FLI1: variants seen among roughly 807,000 people sequenced by gnomAD.
The protein encoded by FLI1 is Friend leukemia integration 1 transcription factor.
Under a neutral mutation model 53.1 loss-of-function variants are expected in FLI1, and 13 were observed. That is an observed-to-expected ratio of 0.24 (90% CI 0.16 to 0.39). The LOEUF (loss-of-function observed/expected upper bound fraction) is 0.39, where lower values mean the gene tolerates loss of function less well. Among genes scored for constraint, FLI1 ranks in the 10% least tolerant of loss-of-function variants. The pLI, the probability that FLI1 is intolerant of heterozygous loss-of-function variation, is 1.00. For missense variants in FLI1, 424 were observed against 600.5 expected (o/e 0.71, Z 3.07); for synonymous variants, 244 against 236.7 (o/e 1.03, Z -0.28).
At chr11:128,713,088 T>A (rs1403512977) in intron 1 of FLI1, among the ~76,000 whole-genome samples, 2 of 152,070 alleles carry the variant, frequency 1.3e-5, no homozygotes, top group East Asian at 1.9e-4. Context: ...TGGCATAAAT[T>A]TGTGAGGTGA....
intron 3 of FLI1, among the ~76,000 whole-genome samples, chr11:128,769,952 T>G (rs1941492087): frequency 6.6e-6 from 1 of 152,210 alleles, no homozygotes; most frequent in Non-Finnish European, 1.5e-5. Context: ...TCACTGGGTC[T>G]TCACTCAAAT....
chr11:128,709,179 G>T (rs1247766614), intron 1 of FLI1, among the ~76,000 whole-genome samples: 1 of 152,146 alleles, frequency 6.6e-6, no homozygotes, highest in Non-Finnish European at 1.5e-5. Context: ...AGTACTGGTA[G>T]TAATAATGCA....
chr11:128,770,675 A>C (rs1283197008), intron 3 of FLI1, among the ~76,000 whole-genome samples: 1 of 152,262 alleles, frequency 6.6e-6, no homozygotes, highest in East Asian at 1.9e-4. Flanking sequence ...TATATGGTGT[A>C]AAATTGAATT....
chr11:128,720,335 T>C (rs1298037126), intron 1 of FLI1, among the ~76,000 whole-genome samples: 1 of 152,246 alleles, frequency 6.6e-6, no homozygotes, highest in African/African-American at 2.4e-5. Flanking sequence ...TATGCCCAGC[T>C]TCTGGACCTG....
At chr11:128,710,899 A>G (rs1209296169) in intron 1 of FLI1, among the ~76,000 whole-genome samples, 2 of 152,224 alleles carry the variant, frequency 1.3e-5, no homozygotes, top group Non-Finnish European at 2.9e-5. Context: ...CTCTTGCACA[A>G]TTTTTAGGAG....
At chr11:128,746,720 C>T (rs1940406090) in intron 1 of FLI1, among the ~76,000 whole-genome samples, 1 of 152,144 alleles carries the variant, frequency 6.6e-6, no homozygotes, top group Non-Finnish European at 1.5e-5. Flanking sequence ...TGCAGTCACT[C>T]CCCACGGAAG....
chr11:128,762,247 CAT>C (rs1174888164), intron 2 of FLI1, among the ~76,000 whole-genome samples: 1 of 152,174 alleles, frequency 6.6e-6, no homozygotes, highest in Non-Finnish European at 1.5e-5. Context: ...GTTACTTGCA[CAT>C]GATTTGATTG....
chr11:128,740,042 G>A (rs757517617), intron 1 of FLI1, among the ~76,000 whole-genome samples: 4 of 152,298 alleles, frequency 2.6e-5, no homozygotes, highest in Admixed American at 1.3e-4. Flanking sequence ...AATATTGGTA[G>A]GGAATAGATG....
intron 1 of FLI1, among the ~76,000 whole-genome samples, chr11:128,729,746 G>A (rs561455978): frequency 4.6e-5 from 7 of 152,318 alleles, no homozygotes; most frequent in African/African-American, 9.6e-5. Flanking sequence ...CCAAGAGCCC[G>A]GTTCTTGAGA....
Position 128,811,260 on chromosome 11 carries a change from A to T in FLI1, c.*272A>T. 1 of 500,926 alleles carries T rather than the reference A, an allele frequency of 2.0e-6. No homozygotes were observed. The highest frequency in any genetic ancestry group is 5.3e-4 in the Middle Eastern group (1 of 1,872). 31.0% of individuals were successfully genotyped at this position (500,926 alleles called of 1,614,324 possible). A position where few individuals can be genotyped will look rare whatever the true frequency, so the allele number is the denominator to read the frequency against. ...CTAGCATCTTGTGAGTTGCATATTA[A>T]GATTACTGGAATGGTTAAGTCATGG... On this transcript the variant is annotated 3_prime_UTR_variant, in exon 9 of 9. Coordinates refer to ENST00000527786, the MANE Select transcript of FLI1 (RefSeq NM_002017.5).
chr11:128,741,551 C>G (rs1318802027), intron 1 of FLI1, among the ~76,000 whole-genome samples: 1 of 152,204 alleles, frequency 6.6e-6, no homozygotes, highest in Admixed American at 6.5e-5. Context: ...TGTTTCAGGA[C>G]CCTGCAGTGA....
chr11:128,686,430 G>T (rs1449370258), upstream of FLI1: 1 of 456,288 alleles, frequency 2.2e-6, no homozygotes, highest in South Asian at 1.5e-5. Flanking sequence ...CCGTCCCCTG[G>T]CCTGAAGCCC....
chr11:128,695,178 T>G (rs1591726496), intron 1 of FLI1, among the ~76,000 whole-genome samples: 1 of 152,120 alleles, frequency 6.6e-6, no homozygotes, highest in African/African-American at 2.4e-5. Flanking sequence ...CCGCCAAGCC[T>G]GGGTCTAGGT....
At chr11:128,695,707 C>T (rs1425539691) in intron 1 of FLI1, among the ~76,000 whole-genome samples, 3 of 152,146 alleles carry the variant, frequency 2.0e-5, no homozygotes, top group African/African-American at 7.2e-5. Flanking sequence ...AGCCTGGGTT[C>T]CTCAAACCCA....
intron 1 of FLI1, among the ~76,000 whole-genome samples, chr11:128,713,739 C>T (rs977345608): frequency 1.3e-5 from 2 of 152,118 alleles, no homozygotes; most frequent in East Asian, 3.9e-4. Context: ...AGGTCAAAGG[C>T]TTCCTTAAGG....
At chr11:128,744,451 C>T (rs1940287144) in intron 1 of FLI1, among the ~76,000 whole-genome samples, 2 of 152,134 alleles carry the variant, frequency 1.3e-5, no homozygotes, top group African/African-American at 4.8e-5. Context: ...TTAGGGAGGG[C>T]TTACTATGTG....
intron 5 of FLI1, among the ~76,000 whole-genome samples, chr11:128,795,557 C>G (rs557236415): frequency 0.018 from 1,609 of 90,578 alleles, 11 homozygotes; most frequent in Non-Finnish European, 0.026. Context: ...ATATAGAAAG[C>G]AATTTTTTTT....
At chr11:128,687,410 G>A (rs530813017) in intron 1 of FLI1, among the ~76,000 whole-genome samples, 1 of 152,298 alleles carries the variant, frequency 6.6e-6, no homozygotes, top group African/African-American at 2.4e-5. Flanking sequence ...TGGGAGGGGC[G>A]GTGACTGGGT....
intron 2 of FLI1, among the ~76,000 whole-genome samples, chr11:128,765,010 G>T (rs1005179948): frequency 6.6e-6 from 1 of 151,460 alleles, no homozygotes; most frequent in Non-Finnish European, 1.5e-5. Context: ...CGGCCAAACC[G>T]ATCACCTGTC....
Sources: allele counts gnomAD v4.1 joint callset (sites outside exome capture counted in the v4.1 genomes callset), GRCh38; gene constraint gnomAD v4.1.1; transcripts MANE v1.5; gene names NCBI Gene and HGNC (gene_info 2026-07-23, HGNC 2026-07-21).